Variants in GIMAP1 observed in about 807,000 individuals in gnomAD.
The protein encoded by GIMAP1 is GTPase IMAP family member 1.
For missense variants in GIMAP1, 423 were observed against 411.9 expected, an observed-to-expected ratio of 1.03 and a Z score of -0.23; for synonymous variants, 230 against 187.7, an observed-to-expected ratio of 1.23 and a Z score of -1.84.
At chr7:150,716,864 G>A (rs1017592518) in intron 1 of GIMAP1, among the ~76,000 whole-genome samples, 174 bp downstream of exon 1, 6 of 152,092 alleles carry the variant, frequency 3.9e-5, no homozygotes, top group African/African-American at 1.4e-4. Flanking sequence ...GCAAAGTTCA[G>A]AGGAAATTTT....
At chr7:150,717,100 G>T (rs769604066) in intron 1 of GIMAP1, among the ~76,000 whole-genome samples, 3 of 152,162 alleles carry the variant, frequency 2.0e-5, no homozygotes, top group Non-Finnish European at 4.4e-5. Context: ...GAGTTACGAC[G>T]TGACAAGACT....
Position 150,720,303 on chromosome 7 carries a change from A to G in GIMAP1, c.299A>G (p.Glu100Gly), listed in dbSNP as rs1450947762. ...QVSKTDPGCE[E>G]RGHCYLLSAP... ...TCCAAGACAGATCCTGGCTGTGAGG[A>G]GAGAGGTCACTGCTACCTGCTCTCG... Residue 100 changes from glutamate to glycine, a missense_variant, in exon 3 of 3, where the codon GAG (glutamate) becomes GGG (glycine). Transcript: ENST00000307194. This position sits in a 1 kb window ranked among gnomAD's most constrained non-coding sequence, Gnocchi z 4.5. The G allele has an allele frequency of 6.2e-7, 1 of 1,614,168 alleles. No homozygotes were observed. The highest frequency in any genetic ancestry group is 1.1e-5 in the South Asian group (1 of 91,078).
At position 150,723,094 on chromosome 7, in the gene GIMAP1, G is replaced by A. The variant is rs1797331357; in HGVS notation, c.*2169G>A. 1 of 152,168 alleles carries A rather than the reference G, an allele frequency of 6.6e-6. No individual in the cohort carries two copies. Among genetic ancestry groups the A allele is most frequent in the Non-Finnish European group, 1.5e-5 (1 of 68,026 alleles). The allele number at this position is 152,168 out of a possible 1,614,324, so 9.4% of individuals were successfully genotyped here. A position where few individuals can be genotyped will look rare whatever the true frequency, so the allele number is the denominator to read the frequency against. On this transcript the variant is annotated 3_prime_UTR_variant, in exon 3 of 3. Coordinates refer to ENST00000307194, the MANE Select transcript of GIMAP1 (RefSeq NM_130759.4). ...GTAATCAAAGATACATTACCAATCT[G>A]AATCTCAAAATGTGCTATCATCTTT...
At position 150,720,428 on chromosome 7, in the gene GIMAP1, G is replaced by A. The variant is rs1243239661; in HGVS notation, c.424G>A (p.Asp142Asn). 15 of 1,576,682 alleles carry A rather than the reference G, an allele frequency of 9.5e-6. No individual in the cohort carries two copies. The highest frequency in any genetic ancestry group is 1.2e-5 in the Non-Finnish European group (14 of 1,159,734). ...GCAGGTGAGGGACATGTTCGGGGAG[G>A]ACGTCCTAAAATGGATGGTCATCGT... ...VRQVRDMFGE[D>N]VLKWMVIVFT... The change falls in exon 3 of 3, where the codon GAC (aspartate) becomes AAC (asparagine). Residue 142 changes from aspartate to asparagine, a missense_variant. By Grantham distance (23) the Asp-to-Asn change is conservative. Transcript: ENST00000307194. This position sits in a 1 kb window ranked among gnomAD's most constrained non-coding sequence, Gnocchi z 4.5.
chr7:150,718,775 C>T (rs547849510), intron 1 of GIMAP1, among the ~76,000 whole-genome samples: 81 of 152,252 alleles, frequency 5.3e-4, no homozygotes, highest in African/African-American at 1.6e-3. Context: ...TCTCAAGTTC[C>T]GATATAATCC....
rs749901221 is a variant in GIMAP1 at position 150,720,694 on chromosome 7, G to GCTGCGCTGGGCAGGCC, written c.694_709dup (p.Glu237AlafsTer6). 2.1e-5 allele frequency: 34 copies of GCTGCGCTGGGCAGGCC among 1,587,318 alleles called. No homozygotes were observed. Among genetic ancestry groups the GCTGCGCTGGGCAGGCC allele is most frequent in the Non-Finnish European group, 2.8e-5 (33 of 1,166,616 alleles). On this transcript the variant is annotated frameshift_variant, in exon 3 of 3. Coordinates refer to ENST00000307194, the MANE Select transcript of GIMAP1 (RefSeq NM_130759.4). LOFTEE classifies it low-confidence loss of function (END_TRUNC). This position sits in a 1 kb window ranked among gnomAD's most constrained non-coding sequence, Gnocchi z 4.5. Reference sequence around the variant, plus strand: ...ACGAGGTGTATGAGCTGGCGCAGGTGCTGCGCTGGGCAGGCCCTGAGGAGC... The same window carrying GCTGCGCTGGGCAGGCC: ...ACGAGGTGTATGAGCTGGCGCAGGTGCTGCGCTGGGCAGGCCCTGCGCTGGGCAGGCCCTGAGGAGC...
chr7:150,717,484 C>T (rs6464094), intron 1 of GIMAP1, among the ~76,000 whole-genome samples: 84,777 of 151,946 alleles, frequency 0.56, 26,123 homozygotes, highest in African/African-American at 0.84. Context: ...GTTAGGAATA[C>T]AGGATTCTAT....
chr7:150,716,956 G>A (rs1409131672), intron 1 of GIMAP1, among the ~76,000 whole-genome samples: 1 of 152,078 alleles, frequency 6.6e-6, no homozygotes, highest in Non-Finnish European at 1.5e-5. Context: ...CCTTAACAAA[G>A]TAAGAAAAGA....
chr7:150,719,391 G>A (rs1797262498), intron 2 of GIMAP1: 1 of 351,852 alleles, frequency 2.8e-6, no homozygotes, highest in African/African-American at 2.1e-5. Flanking sequence ...AACATGATTT[G>A]TGAGGTAGAA....
chr7:150,720,754 G>T lies in GIMAP1; in HGVS notation c.750G>T (p.Arg250Ser). The change falls in exon 3 of 3, where the codon AGG (arginine) becomes AGT (serine). Residue 250 changes from arginine to serine, a missense_variant. By Grantham distance (110) the Arg-to-Ser change is moderately radical. Coordinates refer to ENST00000307194, the MANE Select transcript of GIMAP1 (RefSeq NM_130759.4). The surrounding 1 kb of genome is among the most constrained non-coding windows in gnomAD (Gnocchi z 4.5). Reference sequence around the variant, plus strand: ...GGGTGGCGGAGCGCGTGGCAGCCAGGGTGCAGAGGAGGCCATGGGGCGCCT... The same window carrying T: ...GGGTGGCGGAGCGCGTGGCAGCCAGTGTGCAGAGGAGGCCATGGGGCGCCT... ...LRRVAERVAA[R>S]VQRRPWGAWL... 6.4e-7 allele frequency: 1 copy of T among 1,568,322 alleles called. No homozygotes were observed. Among genetic ancestry groups the T allele is most frequent in the Non-Finnish European group, 8.6e-7 (1 of 1,157,274 alleles).
In GIMAP1 at chr7:150,718,050, A is replaced by AT. The variant is rs200768464; in HGVS notation, c.-6-991dup. On this transcript the variant is annotated intron_variant, in intron 1 of 2. Coordinates refer to ENST00000307194, the MANE Select transcript of GIMAP1 (RefSeq NM_130759.4). ...GACATGGATGGTGAGGCACAGACAGATGGTCGGGGAGGATCAATAGTCCTA... is the reference window on the plus strand; with the variant it reads ...GACATGGATGGTGAGGCACAGACAGATTGGTCGGGGAGGATCAATAGTCCTA... Among the ~76,000 whole-genome samples, 449 of 150,534 alleles carry AT rather than the reference A, an allele frequency of 3.0e-3. 2 individuals carry two copies. Among genetic ancestry groups the AT allele is most frequent in the African/African-American group, 0.01 (417 of 41,484 alleles).
intron 2 of GIMAP1, 118 bp downstream of exon 2, chr7:150,719,208 G>A: frequency 1.5e-6 from 2 of 1,320,568 alleles, no homozygotes. Flanking sequence ...TCTCAACTCT[G>A]GGATGAAACA....
intron 1 of GIMAP1, among the ~76,000 whole-genome samples, chr7:150,718,448 T>C (rs1797247579): frequency 6.6e-6 from 1 of 152,048 alleles, no homozygotes; most frequent in Non-Finnish European, 1.5e-5. Context: ...AAAAGAAAAA[T>C]CCCAATTTTC....
At chr7:150,719,204 C>T in intron 2 of GIMAP1, 114 bp downstream of exon 2, 6 of 1,377,958 alleles carry the variant, frequency 4.4e-6, no homozygotes, top group Non-Finnish European at 6.1e-6. Context: ...GGTGTCTCAA[C>T]TCTGGGATGA....
chr7:150,721,793 CA>C lies in GIMAP1; in HGVS notation c.*881del, dbSNP rs67058252. 20,642 of 125,010 alleles carry C rather than the reference CA, an allele frequency of 0.17. 1,632 individuals carry two copies. Among genetic ancestry groups the C allele is most frequent in the Middle Eastern group, 0.27 (64 of 236 alleles). 7.7% of individuals were successfully genotyped at this position (125,010 alleles called of 1,614,324 possible). A position where few individuals can be genotyped will look rare whatever the true frequency, so the allele number is the denominator to read the frequency against. The stretch of plus-strand genomic sequence containing the variant: ...TGGGTGACAAAGCAAGAATCTGTCT[CA>C]AAAAAAAAAAAAGAAAAGAAAAGAA... On this transcript the variant is annotated 3_prime_UTR_variant, in exon 3 of 3. Transcript: ENST00000307194.
rs1479919751 is a variant in GIMAP1 at position 150,722,531 on chromosome 7, G to A, written c.*1606G>A. 6 of 152,318 alleles carry A rather than the reference G, an allele frequency of 3.9e-5. No homozygotes were observed. Among genetic ancestry groups the A allele is most frequent in the Admixed American group, 6.5e-5 (1 of 15,294 alleles). The allele number at this position is 152,318 out of a possible 1,614,324, so 9.4% of individuals were successfully genotyped here. A position where few individuals can be genotyped will look rare whatever the true frequency, so the allele number is the denominator to read the frequency against. On this transcript the variant is annotated 3_prime_UTR_variant, in exon 3 of 3. Coordinates refer to ENST00000307194, the MANE Select transcript of GIMAP1 (RefSeq NM_130759.4). ...CTTTCTGGGCCCAGGCAGGGGCCTC[G>A]AGCCAGGGAAGGATCCTTTGATGAC...
In GIMAP1 at chr7:150,719,608, G is replaced by A. The variant is rs146221004; in HGVS notation, c.44-440G>A. 9.4e-4 allele frequency: 157 copies of A among 167,428 alleles called. 1 individual carries two copies. Among genetic ancestry groups the A allele is most frequent in the African/African-American group, 3.6e-3 (149 of 41,960 alleles). 10.4% of individuals were successfully genotyped at this position (167,428 alleles called of 1,614,324 possible). A position where few individuals can be genotyped will look rare whatever the true frequency, so the allele number is the denominator to read the frequency against. ...CGAAGAGGCTTAATACTTAGATTAT[G>A]CAGCTTCCCCAAGGTTACACAACCA... On this transcript the variant is annotated intron_variant, in intron 2 of 2. Coordinates refer to ENST00000307194, the MANE Select transcript of GIMAP1 (RefSeq NM_130759.4).
chr7:150,719,064 T>C lies in GIMAP1; in HGVS notation c.17T>C (p.Met6Thr). The change falls in exon 2 of 3, where the codon ATG becomes ACG. Residue 6 changes from methionine to threonine, a missense_variant. Coordinates refer to ENST00000307194, the MANE Select transcript of GIMAP1 (RefSeq NM_130759.4). ...CAGGTAAGCATGGGAGGAAGGAAGA[T>C]GGCGACAGATGAAGAAAATGTCTAT... MGGRK[M>T]ATDEENVYGL... 1 of 1,614,190 alleles carries C rather than the reference T, an allele frequency of 6.2e-7. No homozygotes were observed. The highest frequency in any genetic ancestry group is 1.1e-5 in the South Asian group (1 of 91,086).
chr7:150,724,049 C>T lies in GIMAP1; in HGVS notation c.*3124C>T, dbSNP rs1035361092. On this transcript the variant is annotated 3_prime_UTR_variant, in exon 3 of 3. Coordinates refer to ENST00000307194, the MANE Select transcript of GIMAP1 (RefSeq NM_130759.4). Reference sequence around the variant, plus strand: ...ACACAATCAATATTCAGTTCCAGCCCGCACAGTAGCCCTAGCAAATGCCAG... The same window carrying T: ...ACACAATCAATATTCAGTTCCAGCCTGCACAGTAGCCCTAGCAAATGCCAG... 13 of 152,094 alleles carry T rather than the reference C, an allele frequency of 8.5e-5. No individual in the cohort carries two copies. The highest frequency in any genetic ancestry group is 2.6e-4 in the Admixed American group (4 of 15,272). The allele number at this position is 152,094 out of a possible 1,614,324, so 9.4% of individuals were successfully genotyped here.
Sources: allele counts gnomAD v4.1 joint callset (sites outside exome capture counted in the v4.1 genomes callset), GRCh38; gene constraint gnomAD v4.1.1; non-coding constraint Gnocchi (gnomAD v3.1); transcripts MANE v1.5; gene names NCBI Gene and HGNC (gene_info 2026-07-23, HGNC 2026-07-21).